HDAC4: variants seen among roughly 807,000 people sequenced by gnomAD.
The protein encoded by HDAC4 is histone deacetylase A.
A neutral mutation model predicts 135.1 loss-of-function variants in HDAC4; 16 were observed. The ratio of observed to expected loss-of-function variants is 0.12; its 90% CI spans 0.08 to 0.18. The LOEUF is 0.18. Ranked by LOEUF, HDAC4 falls within the 10% of genes least tolerant of loss-of-function variation. The probability of loss-of-function intolerance (pLI) is 1.00; values close to 1 mark genes in which losing one functional copy is unlikely to be tolerated. For synonymous variants in HDAC4, 685 were observed against 653.4 expected (o/e 1.05, Z -0.74); for missense variants, 1,143 against 1,511.8 (o/e 0.76, Z 4.05).
In HDAC4 at chr2:239,400,004, T is replaced by G. The variant is rs1052690748; in HGVS notation, c.-220+974A>C. Among the ~76,000 whole-genome samples, 1 of 152,232 alleles carries G rather than the reference T, an allele frequency of 6.6e-6. No individual in the cohort carries two copies. Among genetic ancestry groups the G allele is most frequent in the Non-Finnish European group, 1.5e-5 (1 of 68,038 alleles). On this transcript the variant is annotated intron_variant, in intron 1 of 26. Coordinates refer to ENST00000543185, the MANE Select transcript of HDAC4 (RefSeq NM_001378414.1). The surrounding 1 kb of genome is among the most constrained non-coding windows in gnomAD (Gnocchi z 4.7). ...GGGTTCCACCCCCGGCCTTTCCAAC[T>G]GATACGCACGGTCTCCTCCTATAAC...
chr2:239,127,592 C>A (rs1311195433), intron 11 of HDAC4, among the ~76,000 whole-genome samples: 1 of 152,230 alleles, frequency 6.6e-6, no homozygotes, highest in African/African-American at 2.4e-5. Context: ...CTAAACTAAA[C>A]AATGCTGCTC....
chr2:239,396,580 C>T (rs761224994), intron 1 of HDAC4, among the ~76,000 whole-genome samples: 4 of 152,174 alleles, frequency 2.6e-5, no homozygotes, highest in Non-Finnish European at 4.4e-5. Context: ...GCTCATCTTG[C>T]AATGGTGATC....
intron 2 of HDAC4, among the ~76,000 whole-genome samples, chr2:239,304,523 G>A (rs1380856522): frequency 6.6e-6 from 1 of 152,186 alleles, no homozygotes; most frequent in East Asian, 1.9e-4. Context: ...AAAGCTCCAC[G>A]TGCAAAGTGA....
At chr2:239,056,139 T>C (rs2031805882) in intron 24 of HDAC4, among the ~76,000 whole-genome samples, 1 of 152,206 alleles carries the variant, frequency 6.6e-6, no homozygotes, top group South Asian at 2.1e-4. Context: ...CAGCAGGGCC[T>C]CTTTGGAGGC....
chr2:239,385,432 G>A (rs550122686), intron 1 of HDAC4, among the ~76,000 whole-genome samples: 6 of 152,356 alleles, frequency 3.9e-5, no homozygotes, highest in South Asian at 2.1e-4. Flanking sequence ...GCTCAGCAGC[G>A]GGGAAGCTCT....
intron 3 of HDAC4, among the ~76,000 whole-genome samples, chr2:239,197,781 T>TTCATA (rs1258927737): frequency 3.9e-4 from 60 of 152,138 alleles, no homozygotes; most frequent in East Asian, 3.3e-3. Flanking sequence ...TGTCATCCTG[T>TTCATA]TCATATTTCC....
intron 9 of HDAC4, among the ~76,000 whole-genome samples, chr2:239,138,265 TTGGGGATTAAGCAGCC>T (rs1329389615): frequency 3.3e-5 from 5 of 152,138 alleles, no homozygotes; most frequent in Admixed American, 3.3e-4. Context: ...GTAAGAGAAA[TTGGGGATTAAGCAGCC>T]TGGAGACAAA....
intron 16 of HDAC4, 54 bp from the exon 17 acceptor site, chr2:239,095,110 TC>T: frequency 6.2e-7 from 1 of 1,603,714 alleles, no homozygotes; most frequent in Non-Finnish European, 8.5e-7. Flanking sequence ...GCCAAGGTGC[TC>T]GACAGGCCCT....
rs1178017553 is a variant in HDAC4 at position 239,309,287 on chromosome 2, G to C, written c.22+43391C>G. On this transcript the variant is annotated intron_variant, in intron 2 of 26. Coordinates refer to ENST00000543185, the MANE Select transcript of HDAC4 (RefSeq NM_001378414.1). This position sits in a 1 kb window ranked among gnomAD's most constrained non-coding sequence, Gnocchi z 4.2. ...ATTACATAACAAGCAGATGATACGAGAGATCACCACAGTGTTTCGGCTCGA... is the reference window on the plus strand; with the variant it reads ...ATTACATAACAAGCAGATGATACGACAGATCACCACAGTGTTTCGGCTCGA... 6.6e-6 allele frequency: 1 copy of C among 152,074 alleles called. No individual in the cohort carries two copies. Among genetic ancestry groups the C allele is most frequent in the East Asian group, 1.9e-4 (1 of 5,134 alleles). 9.4% of individuals were successfully genotyped at this position (152,074 alleles called of 1,614,324 possible).
intron 16 of HDAC4, among the ~76,000 whole-genome samples, chr2:239,101,202 G>A (rs2037587903): frequency 6.6e-6 from 1 of 152,128 alleles, no homozygotes; most frequent in South Asian, 2.1e-4. Context: ...TGTCCTTTTA[G>A]AAGCCTCCAT....
At chr2:239,097,092 T>C (rs1462681114) in intron 16 of HDAC4, among the ~76,000 whole-genome samples, 2 of 152,192 alleles carry the variant, frequency 1.3e-5, no homozygotes, top group Admixed American at 6.5e-5. Flanking sequence ...GCCATGCAGA[T>C]GCTGTGACGT....
At chr2:239,064,945 T>C (rs905725158) in intron 24 of HDAC4, among the ~76,000 whole-genome samples, 5 of 152,164 alleles carry the variant, frequency 3.3e-5, no homozygotes, top group African/African-American at 9.7e-5. Context: ...TCCAGAACAA[T>C]GCGAACGATG....
chr2:239,108,284 TAGA>T lies in HDAC4; in HGVS notation c.1979-104_1979-102del, dbSNP rs2038342680. ...GGTGGTGGCGGAACCACCACTTCCC[TAGA>T]AGGAGACGGAAGCTGGGACGGTTCT... is the stretch of plus-strand genomic sequence containing the variant. On this transcript the variant is annotated intron_variant, in intron 14 of 26. Transcript: ENST00000543185. The T allele has an allele frequency of 4.5e-5, 62 of 1,386,258 alleles. No individual in the cohort carries two copies. In the East Asian group the frequency reaches 1.3e-3, roughly 29 times the overall value. 85.9% of individuals were successfully genotyped at this position (1,386,258 alleles called of 1,614,324 possible). A position where few individuals can be genotyped will look rare whatever the true frequency, so the allele number is the denominator to read the frequency against.
intron 2 of HDAC4, among the ~76,000 whole-genome samples, chr2:239,284,033 G>A (rs1246869319): frequency 6.6e-6 from 1 of 152,212 alleles, no homozygotes; most frequent in Non-Finnish European, 1.5e-5. Flanking sequence ...CACAGTTCCC[G>A]CTTCTGCACC....
At chr2:239,186,747 A>C (rs774087258) in intron 4 of HDAC4, 2 of 152,422 alleles carry the variant, frequency 1.3e-5, no homozygotes, top group Non-Finnish European at 2.9e-5. Flanking sequence ...GGGCACCAGA[A>C]GAGGAGAGGC....
chr2:239,368,300 CAG>C (rs1694362509), intron 1 of HDAC4, among the ~76,000 whole-genome samples: 1 of 152,108 alleles, frequency 6.6e-6, no homozygotes, highest in African/African-American at 2.4e-5. Context: ...GTGGGGCCCG[CAG>C]AGACACAGGA....
chr2:239,106,706 A>G lies in HDAC4; in HGVS notation c.2112+1344T>C, dbSNP rs111369043. Among the ~76,000 whole-genome samples, 373 of 150,814 alleles carry G rather than the reference A, an allele frequency of 2.5e-3. 2 individuals carry two copies. Among genetic ancestry groups the G allele is most frequent in the African/African-American group, 8.1e-3 (336 of 41,330 alleles). On this transcript the variant is annotated intron_variant, in intron 15 of 26. Coordinates refer to ENST00000543185, the MANE Select transcript of HDAC4 (RefSeq NM_001378414.1). ...GGAAACGGGGGGTAAGATGAGGCAC[A>G]GATTAAAAGTTCACAAATATCCCAG...
At chr2:239,278,110 C>G (rs2050491058) in intron 2 of HDAC4, among the ~76,000 whole-genome samples, 1 of 137,972 alleles carries the variant, frequency 7.2e-6, no homozygotes, top group African/African-American at 2.8e-5. Context: ...CTCAGGGTGT[C>G]TTGAGAAATG....
Position 239,239,899 on chromosome 2 carries a change from C to T in HDAC4, c.23-3235G>A, listed in dbSNP as rs10171344. 3.4e-3 allele frequency among the ~76,000 whole-genome samples: 520 copies of T among 152,364 alleles called. 4 individuals carry two copies. The highest frequency in any genetic ancestry group is 0.012 in the African/African-American group (493 of 41,590). On this transcript the variant is annotated intron_variant, in intron 2 of 26. Transcript: ENST00000543185. ...CAAGCACAGGCGGCCTTGGAGGCGGCGGCACAGACATGGGTCTCAGTGCCG... is the reference window on the plus strand; with the variant it reads ...CAAGCACAGGCGGCCTTGGAGGCGGTGGCACAGACATGGGTCTCAGTGCCG...
Sources: allele counts gnomAD v4.1 joint callset (sites outside exome capture counted in the v4.1 genomes callset), GRCh38; gene constraint gnomAD v4.1.1; non-coding constraint Gnocchi (gnomAD v3.1); transcripts MANE v1.5; gene names NCBI Gene and HGNC (gene_info 2026-07-23, HGNC 2026-07-21).